Variants in SDK1 observed in about 807,000 individuals in gnomAD.
The protein encoded by SDK1 is protein sidekick-1.
SDK1 carries 157 observed loss-of-function variants against 245.5 expected under a neutral mutation model. The ratio of observed to expected loss-of-function variants is 0.64; its 90% CI spans 0.56 to 0.73. SDK1 has a LOEUF of 0.73. Ranked by LOEUF, SDK1 falls within the 30% of genes least tolerant of loss-of-function variation. The pLI is 0.00. For missense variants in SDK1, 3,583 were observed against 3,002.3 expected (o/e 1.19, Z -4.52); for synonymous variants, 1,647 against 1,278.5 (o/e 1.29, Z -6.15).
At chr7:3,771,654 T>G (rs1019007114) in intron 4 of SDK1, among the ~76,000 whole-genome samples, 1 of 152,184 alleles carries the variant, frequency 6.6e-6, no homozygotes, top group Non-Finnish European at 1.5e-5. Flanking sequence ...AAATTGTTAT[T>G]TTTTTCCAGA....
intron 32 of SDK1, among the ~76,000 whole-genome samples, chr7:4,169,435 C>A (rs577052786): frequency 6.6e-6 from 1 of 152,328 alleles, no homozygotes; most frequent in South Asian, 2.1e-4. Flanking sequence ...AGGCACTGTG[C>A]CCGCCTTGCA....
intron 1 of SDK1, among the ~76,000 whole-genome samples, chr7:3,307,228 A>G (rs1230154878): frequency 6.6e-6 from 1 of 152,066 alleles, no homozygotes; most frequent in Non-Finnish European, 1.5e-5. Flanking sequence ...CTAAGTATGT[A>G]CACCTCTTTT....
intron 19 of SDK1, among the ~76,000 whole-genome samples, chr7:4,067,100 C>T (rs1447617512): frequency 1.3e-5 from 2 of 152,272 alleles, no homozygotes; most frequent in East Asian, 1.9e-4. Flanking sequence ...ATAATTGTCT[C>T]GCTGAGTTAT....
At chr7:4,057,916 TG>T (rs1174790715) in intron 19 of SDK1, among the ~76,000 whole-genome samples, 2 of 152,174 alleles carry the variant, frequency 1.3e-5, no homozygotes, top group Non-Finnish European at 2.9e-5. Flanking sequence ...CCCTCCTTTA[TG>T]AAAGCAAATC....
intron 30 of SDK1, among the ~76,000 whole-genome samples, chr7:4,151,284 C>T (rs1353133448): frequency 1.3e-5 from 2 of 152,160 alleles, no homozygotes; most frequent in East Asian, 3.9e-4. Context: ...CCAGAGGACC[C>T]ACCCTGGCAC....
chr7:4,149,455 C>A lies in SDK1; in HGVS notation c.4617C>A (p.Val1539=). The A allele has an allele frequency of 1.3e-6, 2 of 1,512,182 alleles. No individual in the cohort carries two copies. Among genetic ancestry groups the A allele is most frequent in the Non-Finnish European group, 8.9e-7 (1 of 1,129,756 alleles). 93.7% of individuals were successfully genotyped at this position (1,512,182 alleles called of 1,614,324 possible). The change falls in exon 30 of 45, where the codon GTC becomes GTA. Residue 1539 remains valine (V), a synonymous_variant. Coordinates refer to ENST00000404826, the MANE Select transcript of SDK1 (RefSeq NM_152744.4). The stretch of plus-strand genomic sequence containing the variant: ...TCAGCCATGAGGCGACAGCATGCGT[C>A]GTTGACAGGTACTGAGAGAGCAGGA... The part of the protein sequence containing the change: ...SSISHEATAC[V]VDRLRPFTSY...
chr7:3,801,776 G>T (rs1159034810), intron 4 of SDK1, among the ~76,000 whole-genome samples: 1 of 152,130 alleles, frequency 6.6e-6, no homozygotes, highest in African/African-American at 2.4e-5. Flanking sequence ...TCCCATTGCA[G>T]GGCCTTTGCA....
At chr7:3,734,906 G>A (rs1184150215) in intron 4 of SDK1, among the ~76,000 whole-genome samples, 1 of 152,162 alleles carries the variant, frequency 6.6e-6, no homozygotes, top group Non-Finnish European at 1.5e-5. Context: ...AGTCAGTCCT[G>A]TTCTTGGCTG....
chr7:4,015,320 G>T (rs2128151148), intron 16 of SDK1, among the ~76,000 whole-genome samples: 1 of 152,278 alleles, frequency 6.6e-6, no homozygotes, highest in Non-Finnish European at 1.5e-5. Context: ...GTCCACATGA[G>T]GAATCCTTCT....
rs574029182 is a variant in SDK1, at chr7:3,949,940, C to G, written c.848-983C>G. ...ATTTGGACAGGAGTAAGAATGCCCACTGCTTTCCAGTGACACCCATGCCTA... is the reference window on the plus strand; with the variant it reads ...ATTTGGACAGGAGTAAGAATGCCCAGTGCTTTCCAGTGACACCCATGCCTA... On this transcript the variant is annotated intron_variant, in intron 5 of 44. Coordinates refer to ENST00000404826, the MANE Select transcript of SDK1 (RefSeq NM_152744.4). Among the ~76,000 whole-genome samples, 6 of 152,306 alleles carry G rather than the reference C, an allele frequency of 3.9e-5. No individual in the cohort carries two copies. The South Asian group carries it at 8.3e-4, about 21-fold the overall frequency.
At chr7:4,148,442 C>T (rs952604423) in intron 29 of SDK1, among the ~76,000 whole-genome samples, 2 of 152,244 alleles carry the variant, frequency 1.3e-5, no homozygotes, top group Non-Finnish European at 2.9e-5. Context: ...CCCCGCGTCC[C>T]GCATCCAAGC....
intron 1 of SDK1, among the ~76,000 whole-genome samples, chr7:3,447,415 T>TAC (rs150278083): frequency 0.11 from 16,690 of 151,868 alleles, 1,197 homozygotes; most frequent in African/African-American, 0.2. Flanking sequence ...CTCAAACAAG[T>TAC]ACACACACAC....
chr7:3,587,124 A>G (rs150130016), intron 1 of SDK1, among the ~76,000 whole-genome samples: 412 of 152,290 alleles, frequency 2.7e-3, no homozygotes, highest in Admixed American at 0.013. Flanking sequence ...TCCAGAAACA[A>G]TGGCTAAGTC....
chr7:3,356,225 C>T (rs1056441518), intron 1 of SDK1, among the ~76,000 whole-genome samples: 8 of 152,056 alleles, frequency 5.3e-5, no homozygotes, highest in African/African-American at 1.9e-4. Flanking sequence ...TCTAGTCATC[C>T]TGTACCTTTT....
At chr7:4,264,247 G>A (rs1310009345) in intron 44 of SDK1, among the ~76,000 whole-genome samples, 4 of 76,272 alleles carry the variant, frequency 5.2e-5, no homozygotes, top group African/African-American at 1.1e-4. Context: ...GGGAGGCCGC[G>A]TAGACCTCTC....
In SDK1 at chr7:4,114,111, C is replaced by T. The variant is rs952992034; in HGVS notation, c.3660C>T (p.Leu1220=). 2.5e-6 allele frequency: 4 copies of T among 1,614,232 alleles called. No individual in the cohort carries two copies. The highest frequency in any genetic ancestry group is 1.7e-5 in the Admixed American group (1 of 60,034). The change falls in exon 25 of 45, where the codon CTC becomes CTT. Residue 1220 remains leucine (L), a synonymous_variant. Transcript: ENST00000404826. ...GGATTAAGTACTGGCGCTCAGACCT[C>T]CAGTCCTCAGCAGTGGCCCAAGTCG... ...GYRIKYWRSD[L]QSSAVAQVVS... is the part of the protein sequence containing the mutation.
At chr7:3,744,393 G>A (rs1438967914) in intron 4 of SDK1, among the ~76,000 whole-genome samples, 2 of 151,914 alleles carry the variant, frequency 1.3e-5, no homozygotes, top group African/African-American at 2.4e-5. Context: ...ATCATTTTGG[G>A]CACAGACTTC....
In SDK1 at chr7:4,241,836, C is replaced by T. The variant is rs138521502; in HGVS notation, c.6174C>T (p.Asn2058=). The T allele has an allele frequency of 2.7e-4, 429 of 1,614,156 alleles. 2 individuals carry two copies. In the East Asian group the frequency reaches 8.6e-3, roughly 32 times the overall value. Residue 2058 remains asparagine (N), a synonymous_variant, in exon 43 of 45, where the codon AAC becomes AAT. Transcript: ENST00000404826. ...STMEESVTLD[N]GGFAALELSS... is the part of the protein sequence containing the mutation. Reference sequence around the variant, plus strand: ...TGGAGGAGTCTGTGACCCTGGACAACGGAGGATTTGCTGCCCTGGAGCTCA... The same window carrying T: ...TGGAGGAGTCTGTGACCCTGGACAATGGAGGATTTGCTGCCCTGGAGCTCA...
Position 4,077,981 on chromosome 7 carries a change from T to C in SDK1, c.3202+792T>C, listed in dbSNP as rs987016818. Among the ~76,000 whole-genome samples, 5 of 152,202 alleles carry C rather than the reference T, an allele frequency of 3.3e-5. 1 individual carries two copies. Among genetic ancestry groups the C allele is most frequent in the African/African-American group, 1.2e-4 (5 of 41,448 alleles). ...CATCTGGGTGCAAGTTACCAGAGTTTTCCTGAGATGTCTTGGACATTGTTT... is the reference window on the plus strand; with the variant it reads ...CATCTGGGTGCAAGTTACCAGAGTTCTCCTGAGATGTCTTGGACATTGTTT... On this transcript the variant is annotated intron_variant, in intron 21 of 44. Transcript: ENST00000404826.
Sources: allele counts gnomAD v4.1 joint callset (sites outside exome capture counted in the v4.1 genomes callset), GRCh38; gene constraint gnomAD v4.1.1; transcripts MANE v1.5; gene names NCBI Gene and HGNC (gene_info 2026-07-23, HGNC 2026-07-21).